The following TUSC3 variants were observed in gnomAD, a reference collection of about 807,000 sequenced individuals.
TUSC3 encodes dolichyl-diphosphooligosaccharide--protein glycosyltransferase subunit TUSC3.
In TUSC3, 45 loss-of-function variants were observed where a neutral mutation model predicts 44.8. The observed-to-expected ratio is 1.00, with a 90% CI of 0.79 to 1.29. The LOEUF (loss-of-function observed/expected upper bound fraction) is 1.29, where lower values mean the gene tolerates loss of function less well. Among genes scored for constraint, TUSC3 ranks in the 50% most tolerant of loss-of-function variants. TUSC3 has a pLI of 0.00. For synonymous variants in TUSC3, 212 were observed against 152.9 expected (o/e 1.39, Z -2.85); for missense variants, 519 against 437.9 (o/e 1.19, Z -1.65).
intron 1 of TUSC3, among the ~76,000 whole-genome samples, chr8:15,588,332 A>T (rs1192528270): frequency 6.6e-6 from 1 of 151,960 alleles, no homozygotes; most frequent in Non-Finnish European, 1.5e-5. Context: ...ATTTTTTCAG[A>T]TACTTGTTGG....
the TUSC3 span, among the ~76,000 whole-genome samples, chr8:15,776,822 A>G: frequency 6.6e-6 from 1 of 152,126 alleles, no homozygotes; most frequent in Non-Finnish European, 1.5e-5. Flanking sequence ...ACGATTCTAT[A>G]AAAACTCTGT....
At chr8:15,447,379 C>T (rs1000632292) in intron 1 of TUSC3, among the ~76,000 whole-genome samples, 3 of 152,128 alleles carry the variant, frequency 2.0e-5, no homozygotes, top group Admixed American at 1.3e-4. Context: ...TAAATGAAAG[C>T]ACATGAATGA....
At chr8:15,524,916 C>T (rs1801353825) in intron 2 of TUSC3, among the ~76,000 whole-genome samples, 1 of 152,182 alleles carries the variant, frequency 6.6e-6, no homozygotes, top group African/African-American at 2.4e-5. Context: ...TGGTAAAAGA[C>T]TAACACAGTT....
intron 6 of TUSC3, among the ~76,000 whole-genome samples, chr8:15,682,785 T>C (rs1226532964): frequency 6.6e-6 from 1 of 151,908 alleles, no homozygotes; most frequent in Non-Finnish European, 1.5e-5. Flanking sequence ...CAGCTGTTGT[T>C]CTTTTGTTTC....
chr8:15,773,412 A>T, the TUSC3 span, among the ~76,000 whole-genome samples: 1 of 152,126 alleles, frequency 6.6e-6, no homozygotes, highest in Admixed American at 6.5e-5. Context: ...TAACCAAGGA[A>T]CTAAAAATAC....
chr8:15,825,066 C>T, the TUSC3 span, among the ~76,000 whole-genome samples: 1 of 152,132 alleles, frequency 6.6e-6, no homozygotes, highest in African/African-American at 2.4e-5. Context: ...TGAACCATCT[C>T]CTATGACCAT....
chr8:15,808,253 G>C, the TUSC3 span, among the ~76,000 whole-genome samples: 2 of 151,934 alleles, frequency 1.3e-5, no homozygotes, highest in African/African-American at 4.8e-5. Context: ...ATTTTTCAAA[G>C]ACTTTTTGTT....
chr8:15,516,617 A>G (rs889749131), intron 2 of TUSC3, among the ~76,000 whole-genome samples: 20 of 152,170 alleles, frequency 1.3e-4, no homozygotes, highest in Admixed American at 2.0e-4. Flanking sequence ...TTGTTTTGCC[A>G]TTCTTTACTT....
the TUSC3 span, among the ~76,000 whole-genome samples, chr8:15,797,198 C>T: frequency 1.3e-5 from 2 of 152,158 alleles, no homozygotes; most frequent in African/African-American, 2.4e-5. Context: ...TATTTCAGTT[C>T]GCTGAACAGC....
At chr8:15,538,559 G>C (rs554254240), upstream of TUSC3, among the ~76,000 whole-genome samples, 1 of 152,154 alleles carries the variant, frequency 6.6e-6, no homozygotes, top group Non-Finnish European at 1.5e-5. Context: ...ATCGTTAACA[G>C]TGGAACCTAG....
chr8:15,590,753 C>A (rs369354225), intron 1 of TUSC3, among the ~76,000 whole-genome samples: 1 of 151,436 alleles, frequency 6.6e-6, no homozygotes, highest in African/African-American at 2.4e-5. Context: ...CTCATTGTTG[C>A]CTCTACCTCC....
chr8:15,603,032 G>C (rs1804357307), intron 1 of TUSC3, among the ~76,000 whole-genome samples: 2 of 151,494 alleles, frequency 1.3e-5, no homozygotes, highest in Admixed American at 1.3e-4. Flanking sequence ...TTGGACCACA[G>C]TAAAAAAAGA....
chr8:15,827,302 C>G, the TUSC3 span, among the ~76,000 whole-genome samples: 1 of 152,216 alleles, frequency 6.6e-6, no homozygotes, highest in East Asian at 1.9e-4. Context: ...GGAGCAGTAA[C>G]GGCTGAAGAC....
intron 2 of TUSC3, among the ~76,000 whole-genome samples, chr8:15,623,498 A>G (rs1805344726): frequency 6.6e-6 from 1 of 152,054 alleles, no homozygotes. Flanking sequence ...TATCATCTTG[A>G]TATCCTGCAG....
At chr8:15,836,018 T>TTTATTTCAGTTTTTTTCTGACTTGAA in the TUSC3 span, among the ~76,000 whole-genome samples, 1 of 152,328 alleles carries the variant, frequency 6.6e-6, no homozygotes, top group African/African-American at 2.4e-5. Context: ...ATAAAGTAAC[T>TTTATTTCAGTTTTTTTCTGACTTGAA]TTATTTCAGT....
At chr8:15,827,961 A>G in the TUSC3 span, among the ~76,000 whole-genome samples, 1 of 151,354 alleles carries the variant, frequency 6.6e-6, no homozygotes, top group Non-Finnish European at 1.5e-5. Context: ...CTGAAGTCCT[A>G]ACACCCCAGA....
At chr8:15,584,444 T>C (rs1227839635) in intron 1 of TUSC3, among the ~76,000 whole-genome samples, 1 of 152,200 alleles carries the variant, frequency 6.6e-6, no homozygotes, top group African/African-American at 2.4e-5. Context: ...CTAGCACTCT[T>C]ACATGTTCAG....
At chr8:15,456,225 A>G (rs1422609289) in intron 1 of TUSC3, among the ~76,000 whole-genome samples, 1 of 152,158 alleles carries the variant, frequency 6.6e-6, no homozygotes, top group Non-Finnish European at 1.5e-5. Flanking sequence ...CCCTCCTGGC[A>G]TGACTGGCCT....
At chr8:15,772,453 A>T in the TUSC3 span, among the ~76,000 whole-genome samples, 648 of 152,312 alleles carry the variant, frequency 4.3e-3, 5 homozygotes, top group Non-Finnish European at 7.5e-3. Flanking sequence ...GAAACAACCA[A>T]ACTATGAAAA....
Sources: gnomAD v4.1 joint callset for allele counts (sites outside exome capture counted in the v4.1 genomes callset) on GRCh38, gnomAD v4.1.1 for gene constraint, MANE v1.5 for transcripts, NCBI Gene and HGNC (gene_info 2026-07-23, HGNC 2026-07-21) for gene names.